SLC24A1: variants seen among roughly 807,000 people sequenced by gnomAD.
SLC24A1 encodes the protein sodium/potassium/calcium exchanger 1.
SLC24A1 carries 52 observed loss-of-function variants against 88.1 expected under a neutral mutation model. That is an observed-to-expected ratio of 0.59 (90% CI 0.47 to 0.74). SLC24A1 has a LOEUF of 0.74. Among genes scored for constraint, SLC24A1 ranks in the 30% least tolerant of loss-of-function variants. SLC24A1 has a pLI of 0.00. For missense variants in SLC24A1, 1,173 were observed against 1,363.3 expected (o/e 0.86, Z 2.20); for synonymous variants, 455 against 498.0 (o/e 0.91, Z 1.15).
intron 2 of SLC24A1, among the ~76,000 whole-genome samples, chr15:65,635,151 C>T (rs2074873297): frequency 6.6e-6 from 1 of 152,046 alleles, no homozygotes; most frequent in Middle Eastern, 3.4e-3. Context: ...AACCATCCAC[C>T]CTAGAGTGTA....
At chr15:65,630,770 A>G (rs2074694234) in intron 2 of SLC24A1, among the ~76,000 whole-genome samples, 1 of 152,200 alleles carries the variant, frequency 6.6e-6, no homozygotes, top group African/African-American at 2.4e-5. Flanking sequence ...CAGGAGTTCA[A>G]GATCAGCCTG....
At position 65,650,927 on chromosome 15, in the gene SLC24A1, C is replaced by A. The variant is rs117685425; in HGVS notation, c.2778C>A (p.Pro926=). ...TGTTCCCACTGTGGCTGACAGTCCC[C>A]GACGTCCGAAGGCAGGTGAGTGTGC... The part of the protein sequence containing the change: ...PIVFPLWLTV[P]DVRRQESRKF... The change falls in exon 7 of 10, where the codon CCC becomes CCA. Residue 926 remains proline (P), a synonymous_variant. Transcript: ENST00000261892. This position sits in a 1 kb window ranked among gnomAD's most constrained non-coding sequence, Gnocchi z 4.1. 6.2e-7 allele frequency: 1 copy of A among 1,613,840 alleles called. No individual in the cohort carries two copies. Among genetic ancestry groups the A allele is most frequent in the East Asian group, 2.2e-5 (1 of 44,864 alleles).
intron 2 of SLC24A1, 125 bp from the exon 3 acceptor site, chr15:65,638,003 C>T: frequency 1.4e-6 from 1 of 724,302 alleles, no homozygotes; most frequent in Non-Finnish European, 2.5e-6. Flanking sequence ...GAAACATTTT[C>T]TGAGACCAGG....
At position 65,656,235 on chromosome 15, in the gene SLC24A1, G is replaced by A. The variant is rs2075679625; in HGVS notation, c.*2156G>A. 1.0e-6 allele frequency: 1 copy of A among 985,054 alleles called. No homozygotes were observed. The highest frequency in any genetic ancestry group is 1.2e-6 in the Non-Finnish European group (1 of 829,574). 61.0% of individuals were successfully genotyped at this position (985,054 alleles called of 1,614,324 possible). ...TAAAAGGCTGAAATATCCACTGAAT[G>A]ATTAAAACCAACTCTAATAATCTGA... On this transcript the variant is annotated 3_prime_UTR_variant, in exon 10 of 10. Transcript: ENST00000261892.
In SLC24A1 at chr15:65,624,657, C is replaced by G. The variant is rs142214677; in HGVS notation, c.577C>G (p.Arg193Gly). ...AAAGGTGAAGTATACTCCTTCCCCACGTGGTAGAAGAGTAGGCACTTACGT... is the reference window on the plus strand; with the variant it reads ...AAAGGTGAAGTATACTCCTTCCCCAGGTGGTAGAAGAGTAGGCACTTACGT... Reference protein sequence around the residue: ...REKVKYTPSPRGRRVGTYVPS... With the variant: ...REKVKYTPSPGGRRVGTYVPS... Residue 193 changes from arginine to glycine, a missense_variant, in exon 2 of 10, where the codon CGT becomes GGT. Arg to Gly is a moderately radical substitution (Grantham distance 125). Coordinates refer to ENST00000261892, the MANE Select transcript of SLC24A1 (RefSeq NM_004727.3). 6.3e-7 allele frequency: 1 copy of G among 1,596,192 alleles called. No homozygotes were observed. The highest frequency in any genetic ancestry group is 1.1e-5 in the South Asian group (1 of 88,750).
At chr15:65,643,016 C>A (rs1393994352) in intron 4 of SLC24A1, 1 of 1,289,308 alleles carries the variant, frequency 7.8e-7, no homozygotes, top group South Asian at 1.2e-5. Flanking sequence ...GGTAGGACAG[C>A]TGCTCTCAAC....
intron 3 of SLC24A1, among the ~76,000 whole-genome samples, chr15:65,638,646 G>C (rs1005681336): frequency 2.6e-5 from 4 of 152,174 alleles, no homozygotes; most frequent in African/African-American, 9.7e-5. Context: ...TGTCTTAGCT[G>C]TTTATAGTCT....
At chr15:65,630,231 C>T (rs2074667820) in intron 2 of SLC24A1, among the ~76,000 whole-genome samples, 1 of 152,174 alleles carries the variant, frequency 6.6e-6, no homozygotes, top group Non-Finnish European at 1.5e-5. Context: ...TTCAAGCAAT[C>T]CTCTCACCTT....
chr15:65,614,082 GAA>G (rs891135535), intron 2 of SLC24A1, among the ~76,000 whole-genome samples: 2 of 151,784 alleles, frequency 1.3e-5, no homozygotes, highest in African/African-American at 4.8e-5. Context: ...TCTGTCTTCT[GAA>G]AAAAAATTTT....
rs778825032 is a variant in SLC24A1 at position 65,650,710 on chromosome 15, G to A, written c.2561G>A (p.Ser854Asn). Residue 854 changes from serine (S) to asparagine (N), a missense_variant, in exon 7 of 10, where the codon AGT becomes AAT. Coordinates refer to ENST00000261892, the MANE Select transcript of SLC24A1 (RefSeq NM_004727.3). The surrounding 1 kb of genome is among the most constrained non-coding windows in gnomAD (Gnocchi z 4.1). ...AAAGGTGTAGAAGATGGAGGGGGAA[G>A]TGATGGAGGGGATAGCGAAGAGGAG... ...DEKGVEDGGG[S>N]DGGDSEEEEE... 1 of 1,559,094 alleles carries A rather than the reference G, an allele frequency of 6.4e-7. No homozygotes were observed. Among genetic ancestry groups the A allele is most frequent in the Non-Finnish European group, 8.7e-7 (1 of 1,150,960 alleles).
chr15:65,631,198 C>T (rs1301777979), intron 2 of SLC24A1, among the ~76,000 whole-genome samples: 4 of 152,064 alleles, frequency 2.6e-5, no homozygotes, highest in Non-Finnish European at 5.9e-5. Flanking sequence ...GTAATATTTT[C>T]TCCTAGTGCA....
chr15:65,634,740 C>CA lies in SLC24A1; in HGVS notation c.1891-3370dup, dbSNP rs5813364. ...TTTAGTAAAACCAAATCAAAAGCAC[C>CA]AAAAAAAAAAAAAAAAAAGAAAAAG... is the stretch of plus-strand genomic sequence containing the variant. On this transcript the variant is annotated intron_variant, in intron 2 of 9. Transcript: ENST00000261892. Among the ~76,000 whole-genome samples the CA allele has an allele frequency of 4.1e-3, 372 of 90,484 alleles. 1 individual carries two copies. The highest frequency in any genetic ancestry group is 8.5e-3 in the South Asian group (22 of 2,596). 59.4% of individuals were successfully genotyped at this position (90,484 alleles called of 152,430 possible). A position where few individuals can be genotyped will look rare whatever the true frequency, so the allele number is the denominator to read the frequency against.
At chr15:65,635,464 A>AAAAAAC in intron 2 of SLC24A1, among the ~76,000 whole-genome samples, 1 of 149,818 alleles carries the variant, frequency 6.7e-6, no homozygotes, top group Admixed American at 6.6e-5. Flanking sequence ...AAAAAAAAAA[A>AAAAAAC]AAAAAAGAAA....
rs2074430345 is a variant in SLC24A1, at chr15:65,624,463, A to G, written c.383A>G (p.Asn128Ser). Residue 128 changes from asparagine to serine, a missense_variant, in exon 2 of 10, where the codon AAT becomes AGT. Physicochemically the swap from Asn to Ser is conservative, Grantham distance 46. Transcript: ENST00000261892. ...TAKMIPTTTK[N>S]NYSPTAAGTE... ...AAGATGATCCCAACAACAACCAAGAATAATTACAGCCCAACAGCAGCAGGT... is the reference window on the plus strand; with the variant it reads ...AAGATGATCCCAACAACAACCAAGAGTAATTACAGCCCAACAGCAGCAGGT... 5.0e-6 allele frequency: 8 copies of G among 1,610,630 alleles called. No homozygotes were observed. The highest frequency in any genetic ancestry group is 6.8e-6 in the Non-Finnish European group (8 of 1,178,356).
chr15:65,620,755 G>A (rs2074294147), upstream of SLC24A1, among the ~76,000 whole-genome samples: 2 of 152,184 alleles, frequency 1.3e-5, no homozygotes, highest in South Asian at 4.1e-4. Flanking sequence ...AAACAACATT[G>A]TAAAAATAGA....
At chr15:65,633,043 G>A (rs1222409331) in intron 2 of SLC24A1, among the ~76,000 whole-genome samples, 1 of 152,146 alleles carries the variant, frequency 6.6e-6, no homozygotes, top group Admixed American at 6.5e-5. Context: ...GGTCAGGGAA[G>A]GCTTCCTAGG....
upstream of SLC24A1, among the ~76,000 whole-genome samples, chr15:65,617,415 T>G (rs1208073565): frequency 6.6e-6 from 1 of 152,252 alleles, no homozygotes; most frequent in Admixed American, 6.5e-5. Context: ...GAGCAGTGGT[T>G]TGTAGTTCTC....
Position 65,625,978 on chromosome 15 carries a change from C to A in SLC24A1, c.1890+8C>A. 8 of 1,602,166 alleles carry A rather than the reference C, an allele frequency of 5.0e-6. No homozygotes were observed. Among genetic ancestry groups the A allele is most frequent in the Non-Finnish European group, 6.8e-6 (8 of 1,169,308 alleles). ...TTAGAAGACCTCAGCAAGGTAAGGACAAATTGGCTCAGGTTTCTCTAGCCC... is the reference window on the plus strand; with the variant it reads ...TTAGAAGACCTCAGCAAGGTAAGGAAAAATTGGCTCAGGTTTCTCTAGCCC... On this transcript the variant is annotated splice_region_variant and intron_variant, in intron 2 of 9. Coordinates refer to ENST00000261892, the MANE Select transcript of SLC24A1 (RefSeq NM_004727.3).
chr15:65,649,288 C>T (rs1224867844), intron 6 of SLC24A1, among the ~76,000 whole-genome samples: 1 of 151,816 alleles, frequency 6.6e-6, no homozygotes, highest in Non-Finnish European at 1.5e-5. Flanking sequence ...TTAGTAGAGA[C>T]AGGGTTTCAC....
Sources: gnomAD v4.1 joint callset for allele counts (sites outside exome capture counted in the v4.1 genomes callset) on GRCh38, gnomAD v4.1.1 for gene constraint, Gnocchi (gnomAD v3.1) non-coding constraint, MANE v1.5 for transcripts, NCBI Gene and HGNC (gene_info 2026-07-23, HGNC 2026-07-21) for gene names.